The following MYO7A variants were observed in gnomAD, a reference collection of about 807,000 sequenced individuals.
The protein encoded by MYO7A is myosin VIIA, also known as unconventional myosin-VIIa.
A neutral mutation model predicts 263.8 loss-of-function variants in MYO7A; 210 were observed. The ratio of observed to expected loss-of-function variants is 0.80; its 90% confidence interval spans 0.71 to 0.89. The LOEUF is 0.89. Among genes scored for constraint, MYO7A ranks in the 40% least tolerant of loss-of-function variants. MYO7A has a pLI of 0.00. For synonymous variants in MYO7A, 1,239 were observed against 1,197.3 expected (o/e 1.03, Z -0.72); for missense variants, 2,820 against 2,968.3 (o/e 0.95, Z 1.16).
At chr11:77,173,433 GC>G (rs1458501719) in intron 16 of MYO7A, among the ~76,000 whole-genome samples, 1 of 152,218 alleles carries the variant, frequency 6.6e-6, no homozygotes, top group African/African-American at 2.4e-5. Flanking sequence ...CTTTCTGTGT[GC>G]CCAGCATAGG....
chr11:77,194,334 C>T lies in MYO7A; in HGVS notation c.4153-20C>T, dbSNP rs1317223312. 5.0e-6 allele frequency: 8 copies of T among 1,605,908 alleles called. No individual in the cohort carries two copies. In the South Asian group the frequency reaches 5.6e-5, roughly 11 times the overall value. On this transcript the variant is annotated intron_variant, in intron 31 of 48. Coordinates refer to ENST00000409709, the MANE Select transcript of MYO7A (RefSeq NM_000260.4). ...GGAGGGGCCTGGGCCAATGCATGAC[C>T]GAGGCCTCCCCCCACCTAGGAGGAC...
At position 77,207,398 on chromosome 11, in the gene MYO7A, A is replaced by ACAAGGTGGGTCCTTTGCCACCTTCGC; in HGVS notation, c.5856+6_5856+31dup. On this transcript the variant is annotated frameshift_variant, in exon 42 of 49. Coordinates refer to ENST00000409709, the MANE Select transcript of MYO7A (RefSeq NM_000260.4). LOFTEE classifies it high-confidence loss of function. Reference sequence around the variant, plus strand: ...TTCAGCCTCTTTGTCAAAATTGCAGACAAGGTGGGTCCTTTGCCACCTTCG... The same window carrying ACAAGGTGGGTCCTTTGCCACCTTCGC: ...TTCAGCCTCTTTGTCAAAATTGCAGACAAGGTGGGTCCTTTGCCACCTTCGCCAAGGTGGGTCCTTTGCCACCTTCG... 6.2e-7 allele frequency: 1 copy of ACAAGGTGGGTCCTTTGCCACCTTCGC among 1,603,162 alleles called. No homozygotes were observed. The highest frequency in any genetic ancestry group is 1.7e-5 in the Admixed American group (1 of 58,914).
At chr11:77,163,272 G>T (rs558798348) in intron 14 of MYO7A, among the ~76,000 whole-genome samples, 17 of 151,488 alleles carry the variant, frequency 1.1e-4, no homozygotes, top group African/African-American at 3.6e-4. Context: ...CCCTACCCCC[G>T]GCCCCCTGTA....
chr11:77,170,162 G>C (rs1953951135), intron 15 of MYO7A, among the ~76,000 whole-genome samples: 1 of 152,194 alleles, frequency 6.6e-6, no homozygotes, highest in Non-Finnish European at 1.5e-5. Context: ...AGATTAAGGA[G>C]GGAGGAATGC....
At chr11:77,137,793 C>A (rs1462266467) in intron 2 of MYO7A, among the ~76,000 whole-genome samples, 1 of 151,902 alleles carries the variant, frequency 6.6e-6, no homozygotes, top group Non-Finnish European at 1.5e-5. Flanking sequence ...TCGGGGGCTG[C>A]GGGAGGAGGA....
rs561459113 is a variant in MYO7A, at chr11:77,183,073, G to A, written c.3291G>A (p.Gln1097=). The change falls in exon 26 of 49, where the codon CAG becomes CAA. Residue 1097 remains glutamine (Q), a synonymous_variant. Transcript: ENST00000409709. ...LQALQGEGEA[Q]LPEGQKKSSV... is the part of the protein sequence containing the mutation. ...GATCCCTGCTGGTCCTGCAGGCCCA[G>A]CTCCCCGAGGGCCAGAAGAAGAGCA... The A allele has an allele frequency of 5.5e-5, 85 of 1,551,244 alleles. No individual in the cohort carries two copies. In the African/African-American group the frequency reaches 1.1e-3, roughly 20 times the overall value.
intron 31 of MYO7A, among the ~76,000 whole-genome samples, chr11:77,193,605 A>G (rs1956406984): frequency 1.3e-5 from 2 of 151,036 alleles, no homozygotes; most frequent in African/African-American, 4.8e-5. Flanking sequence ...TATTGGTGGT[A>G]AGCAAATATT....
At chr11:77,210,797 G>A (rs535556734) in intron 44 of MYO7A, 11 of 182,820 alleles carry the variant, frequency 6.0e-5, no homozygotes, top group Admixed American at 2.4e-4. Flanking sequence ...GAGGAGGATG[G>A]GCCCAGGAGG....
chr11:77,210,254 T>C (rs1957771060), intron 44 of MYO7A, among the ~76,000 whole-genome samples: 1 of 152,224 alleles, frequency 6.6e-6, no homozygotes, highest in Non-Finnish European at 1.5e-5. Flanking sequence ...AGGGCCTGGC[T>C]CATAGATGTT....
Position 77,203,155 on chromosome 11 carries a change from C to T in MYO7A, c.5264C>T (p.Ala1755Val), listed in dbSNP as rs574917232. Residue 1755 changes from alanine to valine, a missense_variant, in exon 38 of 49, where the codon GCG (alanine) becomes GTG (valine). Physicochemically the swap from Ala to Val is moderately conservative, Grantham distance 64. Coordinates refer to ENST00000409709, the MANE Select transcript of MYO7A (RefSeq NM_000260.4). ...WSHTREPLKQALLKKLLGSEE... is the reference protein window; with the variant it reads ...WSHTREPLKQVLLKKLLGSEE... ...CACACGCGGGAACCGCTCAAGCAGG[C>T]GCTGCTCAAGAAGCTCCTGGGCAGT... is the stretch of plus-strand genomic sequence containing the variant. 5.1e-5 allele frequency: 79 copies of T among 1,551,178 alleles called. No individual in the cohort carries two copies. Among genetic ancestry groups the T allele is most frequent in the Middle Eastern group, 4.5e-4 (2 of 4,436 alleles).
chr11:77,192,929 T>TTGGTGATGGAGGTAGTGATGC lies in MYO7A; in HGVS notation c.4152+653_4152+654insGTGATGGAGGTAGTGATGCTG, dbSNP rs1565442187. Among the ~76,000 whole-genome samples, 72 of 73,534 alleles carry TTGGTGATGGAGGTAGTGATGC rather than the reference T, an allele frequency of 9.8e-4. 12 individuals are homozygous for TTGGTGATGGAGGTAGTGATGC. Among genetic ancestry groups the TTGGTGATGGAGGTAGTGATGC allele is most frequent in the African/African-American group, 4.4e-3 (69 of 15,520 alleles). 48.2% of individuals were successfully genotyped at this position (73,534 alleles called of 152,430 possible). A position where few individuals can be genotyped will look rare whatever the true frequency, so the allele number is the denominator to read the frequency against. On this transcript the variant is annotated intron_variant, in intron 31 of 48. Transcript: ENST00000409709. ...GTGATGGTGGAGGGTAGTGATGGTGTTGTTTGTGATGGTGGAGGTAGTGAT... is the reference window on the plus strand; with the variant it reads ...GTGATGGTGGAGGGTAGTGATGGTGTTGGTGATGGAGGTAGTGATGCTGTTTGTGATGGTGGAGGTAGTGAT...
chr11:77,143,159 CTA>C (rs1951332865), intron 3 of MYO7A, among the ~76,000 whole-genome samples: 1 of 152,202 alleles, frequency 6.6e-6, no homozygotes, highest in Non-Finnish European at 1.5e-5. Context: ...CATTCAAATC[CTA>C]TCTCGTCCAT....
At chr11:77,136,698 C>T (rs114320637) in intron 2 of MYO7A, among the ~76,000 whole-genome samples, 1,974 of 152,302 alleles carry the variant, frequency 0.013, 51 homozygotes, top group African/African-American at 0.045. Flanking sequence ...CTCACGAGCA[C>T]GTGGAAGCAG....
intron 18 of MYO7A, 44 bp from the exon 19 acceptor site, chr11:77,177,505 A>T (rs782776049): frequency 6.7e-7 from 1 of 1,491,534 alleles, no homozygotes; most frequent in Admixed American, 1.9e-5. Flanking sequence ...AGGTGGTCCT[A>T]GAGGAGACCT....
rs782445661 is a variant in MYO7A at position 77,174,869 on chromosome 11, G to A, written c.2049G>A (p.Glu683=). 1.4e-5 allele frequency: 22 copies of A among 1,613,728 alleles called. No homozygotes were observed. Among genetic ancestry groups the A allele is most frequent in the Non-Finnish European group, 1.9e-5 (22 of 1,179,882 alleles). Residue 683 remains glutamate, a synonymous_variant, in exon 17 of 49, where the codon GAG becomes GAA. Coordinates refer to ENST00000409709, the MANE Select transcript of MYO7A (RefSeq NM_000260.4). ...PIRYSFVEFV[E]RYRVLLPGVK... is the part of the protein sequence containing the mutation. ...GCTACAGCTTCGTAGAGTTTGTGGA[G>A]CGGTACCGTGTGCTGCTGCCAGGTG...
At chr11:77,149,809 A>G (rs901584215) in intron 4 of MYO7A, among the ~76,000 whole-genome samples, 2 of 152,018 alleles carry the variant, frequency 1.3e-5, no homozygotes. Context: ...GTCAGGCCTC[A>G]CCTGCACTCA....
chr11:77,174,472 G>T (rs1165257976), intron 16 of MYO7A, among the ~76,000 whole-genome samples: 2 of 152,190 alleles, frequency 1.3e-5, no homozygotes, highest in Admixed American at 1.3e-4. Flanking sequence ...CAGGGTTAGG[G>T]TGATAAAGAC....
At chr11:77,159,416 C>T (rs1555066770) in intron 9 of MYO7A, 31 bp from the exon 10 acceptor site, 3 of 1,400,610 alleles carry the variant, frequency 2.1e-6, no homozygotes, top group Non-Finnish European at 2.0e-6. Flanking sequence ...CACCCTCCCT[C>T]CCCTGATGCT....
rs751716334 is a variant in MYO7A, at chr11:77,202,394, C to T, written c.5138C>T (p.Thr1713Met). 1.7e-5 allele frequency: 26 copies of T among 1,554,442 alleles called. No homozygotes were observed. Among genetic ancestry groups the T allele is most frequent in the South Asian group, 4.8e-5 (4 of 84,208 alleles). The change falls in exon 37 of 49, where the codon ACG becomes ATG. Residue 1713 changes from threonine (T) to methionine (M), a missense_variant. By Grantham distance (81) the Thr-to-Met change is moderately conservative (BLOSUM62 -1). Transcript: ENST00000409709. ...CCCGAGGTGCGTGCCAAGCCCTACACGCTGGAGGAGTTTTCCTATGACTAC... is the reference window on the plus strand; with the variant it reads ...CCCGAGGTGCGTGCCAAGCCCTACATGCTGGAGGAGTTTTCCTATGACTAC... ...AEPEVRAKPY[T>M]LEEFSYDYFR...
Sources: gnomAD v4.1 joint callset for allele counts (sites outside exome capture counted in the v4.1 genomes callset) on GRCh38, gnomAD v4.1.1 for gene constraint, MANE v1.5 for transcripts, NCBI Gene and HGNC (gene_info 2026-07-23, HGNC 2026-07-21) for gene names.